The following ATP8B1 variants were observed in gnomAD, a reference collection of about 807,000 sequenced individuals.
ATP8B1 encodes the protein phospholipid-transporting ATPase IC.
ATP8B1 carries 80 observed loss-of-function variants against 149.9 expected under a neutral mutation model. The observed-to-expected ratio is 0.53, with a 90% confidence interval of 0.45 to 0.64. ATP8B1 has a LOEUF of 0.64. Among genes scored for constraint, ATP8B1 ranks in the 30% least tolerant of loss-of-function variants. The probability of loss-of-function intolerance (pLI) is 0.00; values close to 1 mark genes in which losing one functional copy is unlikely to be tolerated. For synonymous variants in ATP8B1, 536 were observed against 562.8 expected, an observed-to-expected ratio of 0.95 and a Z score of 0.67; for missense variants, 1,247 against 1,552.6, an observed-to-expected ratio of 0.80 and a Z score of 3.31.
At chr18:57,730,956 G>A (rs2079758394) in intron 2 of ATP8B1, among the ~76,000 whole-genome samples, 1 of 152,004 alleles carries the variant, frequency 6.6e-6, no homozygotes, top group Admixed American at 6.6e-5. Context: ...AAATTTCTGG[G>A]TGCAGTAACA....
Position 57,695,260 on chromosome 18 carries a change from G to A in ATP8B1, c.851C>T (p.Thr284Ile). The A allele has an allele frequency of 6.2e-7, 1 of 1,613,628 alleles. No individual in the cohort carries two copies. The highest frequency in any genetic ancestry group is 8.5e-7 in the Non-Finnish European group (1 of 1,179,594). Residue 284 changes from threonine (T) to isoleucine (I), a missense_variant, in exon 10 of 28, where the codon ACA (threonine) becomes ATA (isoleucine). Transcript: ENST00000648908. ...KFTGTLFWRN[T>I]SFPLDADKIL... Reference sequence around the variant, plus strand: ...TTTATCAGCATCCAAAGGAAAACTTGTGTTTCTCCAAAATAGTGTTCCTGT... The same window carrying A: ...TTTATCAGCATCCAAAGGAAAACTTATGTTTCTCCAAAATAGTGTTCCTGT...
chr18:57,648,602 C>G lies in ATP8B1; in HGVS notation c.3642G>C (p.Gln1214His). 52 of 1,611,072 alleles carry G rather than the reference C, an allele frequency of 3.2e-5. No individual in the cohort carries two copies. The highest frequency in any genetic ancestry group is 4.4e-5 in the Non-Finnish European group (52 of 1,179,710). Residue 1214 changes from glutamine to histidine, a missense_variant, in exon 28 of 28, where the codon CAG becomes CAC. Transcript: ENST00000648908. ...TRRSAYAFSH[Q>H]RGYADLISSG... ...AGGAGATGAGGTCCGCGTAGCCCCG[C>G]TGGTGCGAGAAGGCGTAGGCCGAGC...
intron 2 of ATP8B1, among the ~76,000 whole-genome samples, chr18:57,717,314 G>C (rs1436879160): frequency 6.6e-6 from 1 of 151,862 alleles, no homozygotes; most frequent in African/African-American, 2.4e-5. Context: ...GGGAGGCCGA[G>C]GTGGGCAGAT....
At chr18:57,745,121 A>G (rs895924527) in intron 1 of ATP8B1, among the ~76,000 whole-genome samples, 2 of 152,162 alleles carry the variant, frequency 1.3e-5, no homozygotes, top group Non-Finnish European at 2.9e-5. Context: ...ATGAATCCTC[A>G]CCCACCTTGC....
At chr18:57,668,561 A>AAAAAG in intron 18 of ATP8B1, 21 bp from the exon 19 acceptor site, 1 of 1,447,540 alleles carries the variant, frequency 6.9e-7, no homozygotes. Context: ...TATTAAAAAA[A>AAAAAG]AAAAAAAAAG....
At chr18:57,677,555 T>G (rs1338956026) in intron 15 of ATP8B1, among the ~76,000 whole-genome samples, 1 of 54,564 alleles carries the variant, frequency 1.8e-5, no homozygotes, top group Non-Finnish European at 3.7e-5. Flanking sequence ...AAACACACCT[T>G]CCTTCCTTCC....
intron 2 of ATP8B1, among the ~76,000 whole-genome samples, chr18:57,709,770 C>T (rs1913598428): frequency 6.6e-6 from 1 of 151,704 alleles, no homozygotes; most frequent in Non-Finnish European, 1.5e-5. Context: ...GCCTCTGCCT[C>T]CCAGGTTCAA....
At position 57,798,351 on chromosome 18, in the gene ATP8B1, G is replaced by A. The variant is rs2080538435; in HGVS notation, c.-26+4647C>T. Among the ~76,000 whole-genome samples the A allele has an allele frequency of 4.0e-5, 6 of 150,976 alleles. No homozygotes were observed. The South Asian group carries it at 1.3e-3, about 32-fold the overall frequency. On this transcript the variant is annotated intron_variant, in intron 1 of 27. Transcript: ENST00000648908. ...AGCATATTGGGAGGCCCAGGCAGGA[G>A]AACTGCTTGAGCCTAAGCGTTCAGG...
At chr18:57,718,128 CA>C (rs1223857846) in intron 2 of ATP8B1, among the ~76,000 whole-genome samples, 2 of 95,826 alleles carry the variant, frequency 2.1e-5, no homozygotes, top group Non-Finnish European at 4.4e-5. Context: ...AAAAAAAAAG[CA>C]AAAAAAGAGA....
chr18:57,767,832 C>T (rs908397831), intron 1 of ATP8B1, among the ~76,000 whole-genome samples: 13 of 151,690 alleles, frequency 8.6e-5, no homozygotes, highest in African/African-American at 3.1e-4. Flanking sequence ...CAGAAAGTTC[C>T]CTAAGCCAGC....
intron 1 of ATP8B1, among the ~76,000 whole-genome samples, chr18:57,783,976 T>C (rs767768132): frequency 6.6e-6 from 1 of 152,206 alleles, no homozygotes; most frequent in Non-Finnish European, 1.5e-5. Flanking sequence ...GTTCTCTACA[T>C]CCTTGCTACT....
intron 13 of ATP8B1, among the ~76,000 whole-genome samples, chr18:57,686,858 T>C (rs554835487): frequency 6.6e-6 from 1 of 152,270 alleles, no homozygotes; most frequent in South Asian, 2.1e-4. Context: ...GTTGTTGCTA[T>C]TTTGAGACAG....
intron 1 of ATP8B1, among the ~76,000 whole-genome samples, chr18:57,781,318 A>G (rs1168326543): frequency 6.6e-6 from 1 of 152,136 alleles, no homozygotes; most frequent in African/African-American, 2.4e-5. Context: ...CATTATCTTT[A>G]TTCTTGAGAC....
intron 15 of ATP8B1, among the ~76,000 whole-genome samples, chr18:57,679,342 A>G (rs903869140): frequency 2.6e-5 from 4 of 152,178 alleles, no homozygotes; most frequent in African/African-American, 9.7e-5. Context: ...CAATATACCC[A>G]TGTAACAAAC....
chr18:57,749,418 G>T (rs2079995192), intron 1 of ATP8B1, among the ~76,000 whole-genome samples: 1 of 152,144 alleles, frequency 6.6e-6, no homozygotes, highest in Admixed American at 6.5e-5. Flanking sequence ...CCTATAAAGA[G>T]AAAATGACTC....
intron 19 of ATP8B1, 155 bp downstream of exon 19, chr18:57,668,274 A>G: frequency 1.5e-6 from 2 of 1,334,234 alleles, no homozygotes; most frequent in Non-Finnish European, 1.0e-6. Context: ...ATGTGCTGGA[A>G]AAACAGAGGA....
intron 2 of ATP8B1, among the ~76,000 whole-genome samples, chr18:57,719,319 C>T (rs1048445241): frequency 6.6e-5 from 10 of 152,178 alleles, no homozygotes; most frequent in East Asian, 1.9e-4. Context: ...CACAGAAGAC[C>T]GGTGATTTCT....
chr18:57,741,641 C>G (rs1166487727), intron 1 of ATP8B1, among the ~76,000 whole-genome samples: 1 of 152,172 alleles, frequency 6.6e-6, no homozygotes, highest in East Asian at 1.9e-4. Flanking sequence ...ATAATAAATG[C>G]GTGTTGGTTT....
chr18:57,714,249 A>C lies in ATP8B1; in HGVS notation c.182-7662T>G, dbSNP rs560786457. ...AGGACTGGCTAATGGTTTGAGTGCC[A>C]GCTCAGCCACAGTAGAATAGATAGG... On this transcript the variant is annotated intron_variant, in intron 2 of 27. Transcript: ENST00000648908. Among the ~76,000 whole-genome samples, 14 of 152,300 alleles carry C rather than the reference A, an allele frequency of 9.2e-5. No homozygotes were observed. In the South Asian group the frequency reaches 1.5e-3, roughly 16 times the overall value.
Sources: gnomAD v4.1 joint callset for allele counts (sites outside exome capture counted in the v4.1 genomes callset) on GRCh38, gnomAD v4.1.1 for gene constraint, MANE v1.5 for transcripts, NCBI Gene and HGNC (gene_info 2026-07-23, HGNC 2026-07-21) for gene names.